ZNF782: variants seen among roughly 807,000 people sequenced by gnomAD.
ZNF782 encodes zinc finger protein 782.
Under a neutral mutation model 13.0 loss-of-function variants are expected in ZNF782, and 12 were observed. The ratio of observed to expected loss-of-function variants is 0.92; its 90% CI spans 0.59 to 1.50. The LOEUF (loss-of-function observed/expected upper bound fraction) is 1.50. Ranked by LOEUF, ZNF782 falls within the 40% of genes most tolerant of loss-of-function variation. ZNF782 has a pLI of 0.00. For missense variants in ZNF782, 770 were observed against 822.9 expected (o/e 0.94, Z 0.79); for synonymous variants, 284 against 283.0 (o/e 1.00, Z -0.04).
At chr9:96,911,830 A>G in the ZNF782 span, among the ~76,000 whole-genome samples, 48 of 152,144 alleles carry the variant, frequency 3.2e-4, no homozygotes, top group African/African-American at 1.1e-3. Context: ...CTGAAAAACA[A>G]TCTTATTCCC....
the ZNF782 span, among the ~76,000 whole-genome samples, chr9:96,916,695 A>G: frequency 2.6e-5 from 4 of 151,916 alleles, no homozygotes; most frequent in East Asian, 7.7e-4. Flanking sequence ...CCCCAGCCCG[A>G]GGCCTTTGCG....
intron 1 of ZNF782, among the ~76,000 whole-genome samples, chr9:96,864,142 T>C (rs970698206): frequency 1.3e-5 from 2 of 148,988 alleles, no homozygotes; most frequent in Non-Finnish European, 1.5e-5. Context: ...TATATATATA[T>C]ACACATTTAA....
At chr9:96,930,376 T>C in the ZNF782 span, among the ~76,000 whole-genome samples, 2 of 152,008 alleles carry the variant, frequency 1.3e-5, no homozygotes, top group East Asian at 3.9e-4. Flanking sequence ...ATACAAAAAT[T>C]GGCTGGGCAT....
In ZNF782 at chr9:96,816,591, C is replaced by A. The variant is rs2118199148; in HGVS notation, c.*1332G>T. On this transcript the variant is annotated 3_prime_UTR_variant, in exon 6 of 6. Transcript: ENST00000481138. ...AACAACAGTTCTGATAAAGCAATAT[C>A]TAGATAAAGGCTATTACTTACCTTT... The A allele has an allele frequency of 6.6e-6, 1 of 152,272 alleles. No individual in the cohort carries two copies. Among genetic ancestry groups the A allele is most frequent in the African/African-American group, 2.4e-5 (1 of 41,554 alleles). 9.4% of individuals were successfully genotyped at this position (152,272 alleles called of 1,614,324 possible). A position where few individuals can be genotyped will look rare whatever the true frequency, so the allele number is the denominator to read the frequency against.
intron 5 of ZNF782, among the ~76,000 whole-genome samples, chr9:96,821,885 C>T (rs541487594): frequency 3.3e-5 from 5 of 152,212 alleles, no homozygotes; most frequent in African/African-American, 9.6e-5. Flanking sequence ...AGGATGGTCT[C>T]GATCTTCTGA....
chr9:96,930,879 T>G, the ZNF782 span, among the ~76,000 whole-genome samples: 441 of 61,476 alleles, frequency 7.2e-3, no homozygotes, highest in Non-Finnish European at 9.1e-3. Flanking sequence ...GTGGTTTTTT[T>G]TTTTTTTTTT....
chr9:96,897,080 C>A, the ZNF782 span, among the ~76,000 whole-genome samples: 1 of 152,236 alleles, frequency 6.6e-6, no homozygotes, highest in South Asian at 2.1e-4. Flanking sequence ...TCCAACATCA[C>A]ATGAAGTGGT....
chr9:96,887,286 A>AAAGAAAGAAAGGAAGG, the ZNF782 span: 4 of 121,938 alleles, frequency 3.3e-5, no homozygotes, highest in South Asian at 6.1e-4. Context: ...TGCAAAAAAG[A>AAAGAAAGAAAGGAAGG]AAGGAAGGAA....
At chr9:96,903,072 G>A in the ZNF782 span, 7 of 150,786 alleles carry the variant, frequency 4.6e-5, 1 homozygote, top group African/African-American at 1.7e-4. Flanking sequence ...CCAAAGTCCT[G>A]GGATTACAGG....
the ZNF782 span, among the ~76,000 whole-genome samples, chr9:96,916,422 G>C: frequency 6.6e-5 from 10 of 151,862 alleles, no homozygotes; most frequent in African/African-American, 2.4e-4. Context: ...CCTGGAAGGC[G>C]GATTTGCAGT....
At chr9:96,820,697 G>A (rs906558917) in intron 5 of ZNF782, among the ~76,000 whole-genome samples, 2 of 151,950 alleles carry the variant, frequency 1.3e-5, no homozygotes, top group East Asian at 3.9e-4. Flanking sequence ...TTACAGGCAT[G>A]TGCCACCATG....
intron 1 of ZNF782, among the ~76,000 whole-genome samples, chr9:96,868,648 C>T (rs749844449): frequency 8.5e-5 from 13 of 152,148 alleles, no homozygotes; most frequent in East Asian, 1.9e-4. Context: ...TTCATTAACA[C>T]GTTTTTTACA....
the ZNF782 span, among the ~76,000 whole-genome samples, chr9:96,901,339 T>C: frequency 6.8e-6 from 1 of 148,020 alleles, no homozygotes; most frequent in Non-Finnish European, 1.5e-5. Context: ...TGGTGCAATC[T>C]TGGCTCACTA....
At chr9:96,878,470 C>T (rs1851921095), upstream of ZNF782, among the ~76,000 whole-genome samples, 1 of 152,190 alleles carries the variant, frequency 6.6e-6, no homozygotes, top group Non-Finnish European at 1.5e-5. Context: ...AATATCCAGC[C>T]CACCTCCCAA....
At chr9:96,870,521 A>G (rs1383128158) in intron 1 of ZNF782, among the ~76,000 whole-genome samples, 4 of 152,196 alleles carry the variant, frequency 2.6e-5, no homozygotes, top group Admixed American at 2.6e-4. Flanking sequence ...TGCACTTCAT[A>G]GAAAAGAATG....
the ZNF782 span, among the ~76,000 whole-genome samples, chr9:96,914,076 A>T: frequency 6.6e-6 from 1 of 151,702 alleles, no homozygotes; most frequent in Non-Finnish European, 1.5e-5. Context: ...ACGAGTAATA[A>T]AATAAAATAC....
intron 4 of ZNF782, among the ~76,000 whole-genome samples, chr9:96,838,394 G>A (rs559088728): frequency 1.8e-4 from 27 of 152,286 alleles, no homozygotes; most frequent in African/African-American, 5.8e-4. Flanking sequence ...TGACACTGCT[G>A]TTCAGGTCAT....
In ZNF782 at chr9:96,852,911, C is replaced by T. The variant is rs529657630; in HGVS notation, c.-103G>A. ...GGCTCTACCACAAACGAGGGATCCC[C>T]GGAAACTCACTGAACCTTTCATGCC... On this transcript the variant is annotated 5_prime_UTR_variant, in exon 2 of 6. Coordinates refer to ENST00000481138, the MANE Select transcript of ZNF782 (RefSeq NM_001001662.3). The T allele has an allele frequency of 1.3e-5, 2 of 152,716 alleles. No individual in the cohort carries two copies. The highest frequency in any genetic ancestry group is 1.9e-4 in the East Asian group (1 of 5,186). 9.5% of individuals were successfully genotyped at this position (152,716 alleles called of 1,614,324 possible).
At chr9:96,830,267 T>C (rs1231999648) in intron 4 of ZNF782, among the ~76,000 whole-genome samples, 1 of 152,200 alleles carries the variant, frequency 6.6e-6, no homozygotes, top group Non-Finnish European at 1.5e-5. Flanking sequence ...CAAATGTCTG[T>C]GCTCACCAGG....
Sources: gnomAD v4.1 joint callset for allele counts (sites outside exome capture counted in the v4.1 genomes callset) on GRCh38, gnomAD v4.1.1 for gene constraint, MANE v1.5 for transcripts, NCBI Gene and HGNC (gene_info 2026-07-23, HGNC 2026-07-21) for gene names.